The following PLEKHA7 variants were observed in gnomAD, a reference collection of about 807,000 sequenced individuals.
The protein encoded by PLEKHA7 is pleckstrin homology domain containing A7.
Under a neutral mutation model 170.0 loss-of-function variants are expected in PLEKHA7, and 104 were observed. The ratio of observed to expected loss-of-function variants is 0.61; its 90% CI spans 0.52 to 0.72. The LOEUF (loss-of-function observed/expected upper bound fraction) is 0.72. Among genes scored for constraint, PLEKHA7 ranks in the 30% least tolerant of loss-of-function variants. PLEKHA7 has a pLI of 0.00. For missense variants in PLEKHA7, 1,615 were observed against 1,671.7 expected, an observed-to-expected ratio of 0.97 and a Z score of 0.59; for synonymous variants, 648 against 660.8, an observed-to-expected ratio of 0.98 and a Z score of 0.30.
intron 3 of PLEKHA7, among the ~76,000 whole-genome samples, chr11:16,956,998 G>A (rs553917962): frequency 7.2e-5 from 11 of 152,288 alleles, no homozygotes; most frequent in Non-Finnish European, 1.0e-4. Context: ...ACCTCCCCCC[G>A]TGGCTTTAGG....
At chr11:16,802,455 G>A (rs569974787) in intron 15 of PLEKHA7, among the ~76,000 whole-genome samples, 2 of 152,288 alleles carry the variant, frequency 1.3e-5, no homozygotes, top group South Asian at 4.1e-4. Flanking sequence ...CACCTCACAG[G>A]GCCTCCACGG....
Position 16,852,306 on chromosome 11 carries a change from T to C in PLEKHA7, c.572A>G (p.Asp191Gly). 6.2e-7 allele frequency: 1 copy of C among 1,613,998 alleles called. No individual in the cohort carries two copies. Among genetic ancestry groups the C allele is most frequent in the East Asian group, 2.2e-5 (1 of 44,864 alleles). Residue 191 changes from aspartate (D) to glycine (G), a missense_variant, in exon 7 of 27, where the codon GAT (aspartate) becomes GGT (glycine). Asp to Gly is a moderately conservative substitution (Grantham distance 94, BLOSUM62 -1). Coordinates refer to ENST00000531066, the MANE Select transcript of PLEKHA7 (RefSeq NM_001329630.2). ...ACCTTTATAGTAAAATAAGCAGTAA[T>C]CAGCAAGCACAAACCACCTCCTTTT... Reference protein sequence around the residue: ...LWKRRWFVLADYCLFYYKDSR... With the variant: ...LWKRRWFVLAGYCLFYYKDSR...
At chr11:16,989,801 C>T (rs1863928203) in intron 3 of PLEKHA7, among the ~76,000 whole-genome samples, 1 of 152,210 alleles carries the variant, frequency 6.6e-6, no homozygotes. Context: ...GCCCCCCCGC[C>T]CCCAATGCCC....
chr11:16,961,965 G>A (rs1341668403), intron 3 of PLEKHA7, among the ~76,000 whole-genome samples: 4 of 152,190 alleles, frequency 2.6e-5, no homozygotes, highest in Admixed American at 2.6e-4. Context: ...TATGTCCTGT[G>A]GGGCCTGACC....
At chr11:16,885,024 A>G (rs868511993) in intron 3 of PLEKHA7, among the ~76,000 whole-genome samples, 1 of 146,228 alleles carries the variant, frequency 6.8e-6, no homozygotes, top group Non-Finnish European at 1.6e-5. Flanking sequence ...CCTTCTTTTC[A>G]TGAAGAAGAT....
At chr11:16,825,792 G>A (rs1297352154) in intron 10 of PLEKHA7, among the ~76,000 whole-genome samples, 1 of 152,220 alleles carries the variant, frequency 6.6e-6, no homozygotes, top group Non-Finnish European at 1.5e-5. Flanking sequence ...TCATTTACAT[G>A]CTGAATGTCT....
chr11:16,889,304 A>G lies in PLEKHA7; in HGVS notation c.222-18122T>C, dbSNP rs1165958101. ...TACCGTAATTTTCCATTACCTACCC[A>G]ACTCCTATAAAGCAACCCCTTCCCC... On this transcript the variant is annotated intron_variant, in intron 3 of 26. Coordinates refer to ENST00000531066, the MANE Select transcript of PLEKHA7 (RefSeq NM_001329630.2). Among the ~76,000 whole-genome samples, 12 of 149,826 alleles carry G rather than the reference A, an allele frequency of 8.0e-5. No homozygotes were observed. In the East Asian group the frequency reaches 2.0e-3, roughly 24 times the overall value.
chr11:16,795,216 G>A (rs1848138648), intron 17 of PLEKHA7, 198 bp from the exon 18 acceptor site: 1 of 559,760 alleles, frequency 1.8e-6, no homozygotes, highest in Non-Finnish European at 3.2e-6. Context: ...GATCCAGGGA[G>A]AAATTTCAGA....
At chr11:16,899,941 G>A (rs943091494) in intron 3 of PLEKHA7, among the ~76,000 whole-genome samples, 1 of 152,214 alleles carries the variant, frequency 6.6e-6, no homozygotes, top group Admixed American at 6.5e-5. Flanking sequence ...GGGAGCCCAG[G>A]TGCTAGGGGT....
At chr11:16,979,112 A>T (rs957699957) in intron 3 of PLEKHA7, among the ~76,000 whole-genome samples, 2 of 152,170 alleles carry the variant, frequency 1.3e-5, no homozygotes, top group African/African-American at 4.8e-5. Context: ...ATCTTGGCTC[A>T]TTGCAACCTC....
At chr11:16,795,161 T>A (rs1848133675) in intron 17 of PLEKHA7, 143 bp from the exon 18 acceptor site, 2 of 632,822 alleles carry the variant, frequency 3.2e-6, no homozygotes, top group Admixed American at 5.5e-5. Context: ...GAACCAAGCC[T>A]GCTTCATAGC....
At chr11:16,935,657 C>G (rs542169741) in intron 3 of PLEKHA7, among the ~76,000 whole-genome samples, 1 of 152,162 alleles carries the variant, frequency 6.6e-6, no homozygotes, top group Non-Finnish European at 1.5e-5. Context: ...AACTGAAAGC[C>G]TTGTGACATT....
Position 16,826,344 on chromosome 11 carries a change from C to A in PLEKHA7, c.1119G>T (p.Leu373Phe). 6.2e-7 allele frequency: 1 copy of A among 1,614,244 alleles called. No individual in the cohort carries two copies. Among genetic ancestry groups the A allele is most frequent in the Non-Finnish European group, 8.5e-7 (1 of 1,180,044 alleles). ...TTGGGCCAGTGGGTAAATCCATAAA[C>A]AAGGCATCCTCCTCGGCTGGCGAGT... ...SPYSPAEEDA[L>F]FMDLPTGPRG... The change falls in exon 10 of 27, where the codon TTG (leucine) becomes TTT (phenylalanine). Residue 373 changes from leucine (L) to phenylalanine (F), a missense_variant. Coordinates refer to ENST00000531066, the MANE Select transcript of PLEKHA7 (RefSeq NM_001329630.2).
intron 3 of PLEKHA7, among the ~76,000 whole-genome samples, chr11:16,875,694 T>C (rs1211134156): frequency 6.6e-6 from 1 of 152,048 alleles, no homozygotes; most frequent in South Asian, 2.1e-4. Flanking sequence ...ATCTACCCCC[T>C]TGGGCCCCCA....
chr11:16,934,447 C>G (rs1860149933), intron 3 of PLEKHA7, among the ~76,000 whole-genome samples: 1 of 152,134 alleles, frequency 6.6e-6, no homozygotes, highest in Non-Finnish European at 1.5e-5. Context: ...GCTGAAATGT[C>G]AGGAACATGA....
chr11:16,849,775 G>A (rs2135397283), intron 8 of PLEKHA7, among the ~76,000 whole-genome samples: 1 of 152,236 alleles, frequency 6.6e-6, no homozygotes, highest in Non-Finnish European at 1.5e-5. Context: ...TACTTCCCAT[G>A]TCATGTTTTA....
At chr11:16,844,911 T>A (rs890526782) in intron 8 of PLEKHA7, among the ~76,000 whole-genome samples, 1 of 152,222 alleles carries the variant, frequency 6.6e-6, no homozygotes, top group African/African-American at 2.4e-5. Flanking sequence ...GTATTTACTA[T>A]GTGAAAGGCA....
At chr11:16,938,676 T>C (rs879932502) in intron 3 of PLEKHA7, among the ~76,000 whole-genome samples, 1 of 152,170 alleles carries the variant, frequency 6.6e-6, no homozygotes, top group East Asian at 1.9e-4. Context: ...CATTCACATG[T>C]TGGAAGGCCG....
At position 16,804,495 on chromosome 11, in the gene PLEKHA7, G is replaced by A. The variant is rs566057888; in HGVS notation, c.2008-1200C>T. On this transcript the variant is annotated intron_variant, in intron 13 of 26. Coordinates refer to ENST00000531066, the MANE Select transcript of PLEKHA7 (RefSeq NM_001329630.2). ...CAACTGTCCTATGCTACCTCTCCCT[G>A]CAAACTGTCATGAGCAAATCCAAAG... 3.9e-5 allele frequency among the ~76,000 whole-genome samples: 6 copies of A among 152,290 alleles called. No homozygotes were observed. In the South Asian group the frequency reaches 8.3e-4, roughly 21 times the overall value.
Sources: gnomAD v4.1 joint callset for allele counts (sites outside exome capture counted in the v4.1 genomes callset) on GRCh38, gnomAD v4.1.1 for gene constraint, MANE v1.5 for transcripts, NCBI Gene and HGNC (gene_info 2026-07-23, HGNC 2026-07-21) for gene names.